The following EPHB2 variants were observed in gnomAD, a reference collection of about 807,000 sequenced individuals.
EPHB2 encodes the protein EPH receptor B2, also known as ephrin type-B receptor 2.
In EPHB2, 18 loss-of-function variants were observed where a neutral mutation model predicts 96.4. The ratio of observed to expected loss-of-function variants is 0.19; its 90% CI spans 0.13 to 0.28. The LOEUF (loss-of-function observed/expected upper bound fraction) is 0.28, where lower values mean the gene tolerates loss of function less well. Ranked by LOEUF, EPHB2 falls within the 10% of genes least tolerant of loss-of-function variation. EPHB2 has a pLI of 1.00. For synonymous variants in EPHB2, 506 were observed against 534.1 expected (o/e 0.95, Z 0.72); for missense variants, 989 against 1,355.4 (o/e 0.73, Z 4.25).
At chr1:22,746,875 C>T (rs1035677528) in intron 1 of EPHB2, among the ~76,000 whole-genome samples, 6 of 151,842 alleles carry the variant, frequency 4.0e-5, no homozygotes, top group African/African-American at 7.3e-5. Context: ...TGTGACCCCC[C>T]GGGGGTGCAA....
At chr1:22,728,464 C>T (rs1643632466) in intron 1 of EPHB2, among the ~76,000 whole-genome samples, 1 of 152,212 alleles carries the variant, frequency 6.6e-6, no homozygotes, top group Non-Finnish European at 1.5e-5. Flanking sequence ...GGATAGAAGC[C>T]CTGCTTTGTG....
intron 1 of EPHB2, among the ~76,000 whole-genome samples, chr1:22,712,941 C>G (rs536884001): frequency 1.3e-5 from 2 of 152,234 alleles, no homozygotes; most frequent in East Asian, 3.9e-4. Flanking sequence ...TTGGAAGAGG[C>G]CTGGGTGTGT....
intron 3 of EPHB2, among the ~76,000 whole-genome samples, chr1:22,850,696 G>A (rs4655131): frequency 6.6e-6 from 1 of 151,984 alleles, no homozygotes; most frequent in African/African-American, 2.4e-5. Context: ...GGGGATACTC[G>A]ATCGGTCCCC....
chr1:22,803,667 ATATGTGTGTATATATGTATATATATGTG>A (rs1644880419), intron 3 of EPHB2, among the ~76,000 whole-genome samples: 1 of 138,480 alleles, frequency 7.2e-6, no homozygotes, highest in African/African-American at 2.6e-5. Flanking sequence ...ATGTGTATAT[ATATGTGTGTATATATGTATATATATGTG>A]TGTATATATA....
In EPHB2 at chr1:22,733,861, G is replaced by A. The variant is rs559787587; in HGVS notation, c.61+22818G>A. Reference sequence around the variant, plus strand: ...GGGGACAGAGCTAGAAGTTGAACCCGGGACTGGATTCTTGACCTGGTATGA... The same window carrying A: ...GGGGACAGAGCTAGAAGTTGAACCCAGGACTGGATTCTTGACCTGGTATGA... On this transcript the variant is annotated intron_variant, in intron 1 of 15. Coordinates refer to ENST00000374630, the MANE Select transcript of EPHB2 (RefSeq NM_017449.5). This position sits in a 1 kb window ranked among gnomAD's most constrained non-coding sequence, Gnocchi z 4.6. Among the ~76,000 whole-genome samples, 8 of 152,128 alleles carry A rather than the reference G, an allele frequency of 5.3e-5. No individual in the cohort carries two copies. Among genetic ancestry groups the A allele is most frequent in the Non-Finnish European group, 7.4e-5 (5 of 68,024 alleles).
chr1:22,909,179 T>G lies in EPHB2; in HGVS notation c.2502+8T>G. The G allele has an allele frequency of 6.2e-7, 1 of 1,614,088 alleles. No individual in the cohort carries two copies. The highest frequency in any genetic ancestry group is 8.5e-7 in the Non-Finnish European group (1 of 1,179,996). ...GACATGACCAACCAGGATGTAAGTC[T>G]CCAAGGGGATAGGCAAGGCCTCTCT... is the stretch of plus-strand genomic sequence containing the variant. On this transcript the variant is annotated splice_region_variant and intron_variant, in intron 13 of 15. Coordinates refer to ENST00000374630, the MANE Select transcript of EPHB2 (RefSeq NM_017449.5).
rs1643760257 is a variant in EPHB2, at chr1:22,733,447, A to G, written c.61+22404A>G. ...CAAAGTCACACAGTGATGAGTGATG[A>G]TATGAATGATGAAAATATTAGCGTT... On this transcript the variant is annotated intron_variant, in intron 1 of 15. Coordinates refer to ENST00000374630, the MANE Select transcript of EPHB2 (RefSeq NM_017449.5). The surrounding 1 kb of genome is among the most constrained non-coding windows in gnomAD (Gnocchi z 4.6). 2.0e-5 allele frequency among the ~76,000 whole-genome samples: 3 copies of G among 152,226 alleles called. No individual in the cohort carries two copies. The South Asian group carries it at 6.2e-4, about 32-fold the overall frequency.
chr1:22,835,533 G>A (rs1040471688), intron 3 of EPHB2, among the ~76,000 whole-genome samples: 2 of 152,248 alleles, frequency 1.3e-5, no homozygotes, highest in African/African-American at 2.4e-5. Context: ...TTTTATGCAC[G>A]AGTAGACATG....
intron 3 of EPHB2, among the ~76,000 whole-genome samples, chr1:22,857,069 T>TCACCAAC (rs1266345108): frequency 1.3e-5 from 2 of 152,132 alleles, no homozygotes; most frequent in African/African-American, 4.8e-5. Flanking sequence ...CAACCAAGGT[T>TCACCAAC]CACCAACCAG....
At chr1:22,862,235 C>T (rs1247687888) in intron 3 of EPHB2, among the ~76,000 whole-genome samples, 1 of 152,256 alleles carries the variant, frequency 6.6e-6, no homozygotes, top group Non-Finnish European at 1.5e-5. Flanking sequence ...ATGATGGCCA[C>T]AGCCCATGGG....
intron 9 of EPHB2, among the ~76,000 whole-genome samples, chr1:22,896,878 G>A (rs899649530): frequency 8.5e-5 from 13 of 152,180 alleles, no homozygotes; most frequent in Non-Finnish European, 1.6e-4. Flanking sequence ...GATATTTACC[G>A]TGTCTCCCCA....
chr1:22,818,620 G>C (rs1430545875), intron 3 of EPHB2, among the ~76,000 whole-genome samples: 1 of 152,112 alleles, frequency 6.6e-6, no homozygotes, highest in Non-Finnish European at 1.5e-5. Context: ...TTCCCATTCT[G>C]CCTTCAGCCA....
intron 6 of EPHB2, among the ~76,000 whole-genome samples, chr1:22,887,476 TTCTTCAGAAAGGGC>T (rs1639262571): frequency 6.6e-6 from 1 of 152,214 alleles, no homozygotes; most frequent in Non-Finnish European, 1.5e-5. Context: ...ACTCCTTTCC[TTCTTCAGAAAGGGC>T]TCTCTAGGAG....
intron 9 of EPHB2, among the ~76,000 whole-genome samples, chr1:22,904,569 A>T (rs1169626401): frequency 6.6e-6 from 1 of 152,196 alleles, no homozygotes; most frequent in Non-Finnish European, 1.5e-5. Context: ...ACCCACACAA[A>T]TAATCCCAAA....
rs989049502 is a variant in EPHB2, at chr1:22,721,117, G to A, written c.61+10074G>A. Among the ~76,000 whole-genome samples the A allele has an allele frequency of 2.6e-5, 4 of 152,186 alleles. No individual in the cohort carries two copies. The East Asian group carries it at 5.8e-4, about 22-fold the overall frequency. On this transcript the variant is annotated intron_variant, in intron 1 of 15. Coordinates refer to ENST00000374630, the MANE Select transcript of EPHB2 (RefSeq NM_017449.5). ...ACTCCCACCTTGGCCAGAGGTCATCGCAGGAGTGGGGAAGCATTAGAGGAA... is the reference window on the plus strand; with the variant it reads ...ACTCCCACCTTGGCCAGAGGTCATCACAGGAGTGGGGAAGCATTAGAGGAA...
chr1:22,805,107 C>T (rs1280787613), intron 3 of EPHB2, among the ~76,000 whole-genome samples: 2 of 151,590 alleles, frequency 1.3e-5, no homozygotes, highest in Admixed American at 6.6e-5. Context: ...CTCTCCTTGC[C>T]CCCACCACCT....
At chr1:22,791,752 A>G (rs938608631) in intron 3 of EPHB2, among the ~76,000 whole-genome samples, 6 of 152,240 alleles carry the variant, frequency 3.9e-5, no homozygotes, top group African/African-American at 1.4e-4. Context: ...GTTGATTGAC[A>G]GATAGATTGC....
At chr1:22,793,739 TG>T (rs1269947707) in intron 3 of EPHB2, among the ~76,000 whole-genome samples, 1 of 152,166 alleles carries the variant, frequency 6.6e-6, no homozygotes, top group Non-Finnish European at 1.5e-5. Flanking sequence ...CTGTGGTATA[TG>T]CTATGCTTCC....
intron 3 of EPHB2, among the ~76,000 whole-genome samples, chr1:22,811,053 T>C (rs1050398464): frequency 1.3e-5 from 2 of 152,196 alleles, no homozygotes; most frequent in African/African-American, 4.8e-5. Context: ...ACCCATGTGC[T>C]GCGTGACCTG....
Sources: allele counts gnomAD v4.1 joint callset (sites outside exome capture counted in the v4.1 genomes callset), GRCh38; gene constraint gnomAD v4.1.1; non-coding constraint Gnocchi (gnomAD v3.1); transcripts MANE v1.5; gene names NCBI Gene and HGNC (gene_info 2026-07-23, HGNC 2026-07-21).